Variants in TRAPPC9 observed in about 807,000 individuals in gnomAD.
TRAPPC9 encodes the protein trafficking protein particle complex subunit 9.
A neutral mutation model predicts 124.0 loss-of-function variants in TRAPPC9; 83 were observed. That is an observed-to-expected ratio of 0.67 (90% CI 0.56 to 0.80). TRAPPC9 has a LOEUF of 0.80. TRAPPC9 is among the 30% of genes least tolerant of loss of function. TRAPPC9 has a pLI of 0.00. For synonymous variants in TRAPPC9, 638 were observed against 617.5 expected, an observed-to-expected ratio of 1.03 and a Z score of -0.49; for missense variants, 1,302 against 1,508.3, an observed-to-expected ratio of 0.86 and a Z score of 2.27.
chr8:140,128,805 C>A (rs554264947), intron 17 of TRAPPC9, among the ~76,000 whole-genome samples: 1 of 152,162 alleles, frequency 6.6e-6, no homozygotes, highest in South Asian at 2.1e-4. Context: ...ACCCTCCTGG[C>A]GATGGGTCAG....
intron 9 of TRAPPC9, among the ~76,000 whole-genome samples, chr8:140,344,548 C>G (rs138837555): frequency 1.3e-5 from 2 of 152,118 alleles, no homozygotes. Context: ...CTGATGGTAG[C>G]GCCAGGCAGA....
chr8:140,240,265 G>A (rs2063827949), intron 16 of TRAPPC9, among the ~76,000 whole-genome samples: 1 of 152,030 alleles, frequency 6.6e-6, no homozygotes, highest in South Asian at 2.1e-4. Flanking sequence ...TTCTAGGGGG[G>A]GACAGAAGAG....
chr8:139,957,786 C>G (rs1342500905), intron 19 of TRAPPC9, among the ~76,000 whole-genome samples: 2 of 152,208 alleles, frequency 1.3e-5, no homozygotes, highest in African/African-American at 2.4e-5. Flanking sequence ...GTCACACTGC[C>G]CCCCTCGGGC....
At chr8:140,276,811 G>A (rs760763808) in intron 14 of TRAPPC9, among the ~76,000 whole-genome samples, 11 of 145,984 alleles carry the variant, frequency 7.5e-5, no homozygotes, top group African/African-American at 1.1e-4. Context: ...TGGCCAGAGC[G>A]GGGAGGCCAA....
At chr8:140,193,480 T>C (rs1189805257) in intron 17 of TRAPPC9, among the ~76,000 whole-genome samples, 1 of 152,114 alleles carries the variant, frequency 6.6e-6, no homozygotes, top group Non-Finnish European at 1.5e-5. Flanking sequence ...TCTTCAAAGT[T>C]GAGCTGAAAA....
At chr8:140,134,669 C>T (rs2061270590) in intron 17 of TRAPPC9, among the ~76,000 whole-genome samples, 1 of 152,192 alleles carries the variant, frequency 6.6e-6, no homozygotes. Flanking sequence ...TGACCCCTAC[C>T]TCACCCCATA....
At chr8:140,440,796 T>C (rs920684686) in intron 2 of TRAPPC9, among the ~76,000 whole-genome samples, 1 of 151,914 alleles carries the variant, frequency 6.6e-6, no homozygotes, top group African/African-American at 2.4e-5. Flanking sequence ...GGCTTTGCAC[T>C]CCACAGGCAA....
chr8:139,976,166 C>T (rs1049262811), intron 19 of TRAPPC9, among the ~76,000 whole-genome samples: 4 of 151,794 alleles, frequency 2.6e-5, no homozygotes, highest in Non-Finnish European at 1.5e-5. Flanking sequence ...GCTGGGATTA[C>T]AGGCGTGAGC....
At chr8:139,749,766 G>A (rs533658890) in intron 21 of TRAPPC9, among the ~76,000 whole-genome samples, 16 of 152,286 alleles carry the variant, frequency 1.1e-4, no homozygotes, top group African/African-American at 3.1e-4. Context: ...CGCCAGAGCC[G>A]GGCAGCTGGA....
Position 139,803,030 on chromosome 8 carries a change from G to A in TRAPPC9, c.3056-70828C>T, listed in dbSNP as rs189115351. Among the ~76,000 whole-genome samples the A allele has an allele frequency of 2.0e-3, 303 of 152,158 alleles. 1 individual carries two copies. Among genetic ancestry groups the A allele is most frequent in the African/African-American group, 6.9e-3 (288 of 41,492 alleles). ...GTTGTGTGTGCATCCGTAGATGAACGTGTGTGTATGTGAAGGTGTCTGTGT... is the reference window on the plus strand; with the variant it reads ...GTTGTGTGTGCATCCGTAGATGAACATGTGTGTATGTGAAGGTGTCTGTGT... On this transcript the variant is annotated intron_variant, in intron 21 of 22. Coordinates refer to ENST00000438773, the MANE Select transcript of TRAPPC9 (RefSeq NM_001160372.4).
At chr8:140,316,703 A>G (rs1192207194) in intron 9 of TRAPPC9, among the ~76,000 whole-genome samples, 7 of 152,094 alleles carry the variant, frequency 4.6e-5, no homozygotes, top group Non-Finnish European at 2.9e-5. Context: ...GTCTTTTGAG[A>G]TTAGTTTTCT....
chr8:139,843,952 C>T (rs991389461), intron 21 of TRAPPC9, among the ~76,000 whole-genome samples: 2 of 152,272 alleles, frequency 1.3e-5, no homozygotes, highest in African/African-American at 2.4e-5. Flanking sequence ...TGGGCCCTCA[C>T]TCCCCATACA....
chr8:140,239,802 G>T (rs1006977560), intron 16 of TRAPPC9, among the ~76,000 whole-genome samples: 3 of 152,334 alleles, frequency 2.0e-5, no homozygotes, highest in African/African-American at 7.2e-5. Flanking sequence ...AAGAGAAAAA[G>T]AAATATTATG....
intron 21 of TRAPPC9, among the ~76,000 whole-genome samples, chr8:139,736,509 C>G (rs1405903656): frequency 6.6e-6 from 1 of 152,224 alleles, no homozygotes; most frequent in Non-Finnish European, 1.5e-5. Context: ...GACGCTGACT[C>G]TTCCCCATGA....
At chr8:140,266,261 G>C (rs987370252) in intron 15 of TRAPPC9, among the ~76,000 whole-genome samples, 1 of 151,970 alleles carries the variant, frequency 6.6e-6, no homozygotes, top group African/African-American at 2.4e-5. Flanking sequence ...TTCAAGACCA[G>C]CCTGGCCAAC....
At chr8:139,829,415 C>A (rs1049430578) in intron 21 of TRAPPC9, among the ~76,000 whole-genome samples, 4 of 152,374 alleles carry the variant, frequency 2.6e-5, no homozygotes, top group African/African-American at 9.6e-5. Context: ...AGCCTTGTGA[C>A]CCGTTCCCGT....
chr8:139,860,426 T>C (rs1238398211), intron 21 of TRAPPC9, among the ~76,000 whole-genome samples: 1 of 152,202 alleles, frequency 6.6e-6, no homozygotes, highest in Non-Finnish European at 1.5e-5. Flanking sequence ...GCTACATGCA[T>C]GATCATTTGG....
intron 17 of TRAPPC9, among the ~76,000 whole-genome samples, chr8:140,180,653 G>A (rs1026118786): frequency 1.3e-5 from 2 of 148,188 alleles, no homozygotes; most frequent in African/African-American, 2.5e-5. Flanking sequence ...TATTTTTGCT[G>A]GATATAGAAT....
chr8:139,946,288 T>C (rs1171949880), intron 19 of TRAPPC9, among the ~76,000 whole-genome samples: 2 of 152,244 alleles, frequency 1.3e-5, no homozygotes, highest in Non-Finnish European at 2.9e-5. Context: ...GTGGAATTAC[T>C]TCATCTTTCT....
Sources: allele counts gnomAD v4.1 joint callset (sites outside exome capture counted in the v4.1 genomes callset), GRCh38; gene constraint gnomAD v4.1.1; transcripts MANE v1.5; gene names NCBI Gene and HGNC (gene_info 2026-07-23, HGNC 2026-07-21).